Variants in CMSS1 observed in about 807,000 individuals in gnomAD.
CMSS1 encodes protein CMSS1.
CMSS1 carries 33 observed loss-of-function variants against 43.5 expected under a neutral mutation model. The observed-to-expected ratio is 0.76, with a 90% confidence interval of 0.57 to 1.01. The LOEUF is 1.01. Among genes scored for constraint, CMSS1 ranks in the 50% least tolerant of loss-of-function variants. The pLI is 0.00. For synonymous variants in CMSS1, 115 were observed against 117.2 expected (o/e 0.98, Z 0.12); for missense variants, 313 against 326.4 (o/e 0.96, Z 0.32).
intron 1 of CMSS1, among the ~76,000 whole-genome samples, chr3:100,091,040 C>T (rs2066095684): frequency 6.6e-6 from 1 of 152,168 alleles, no homozygotes; most frequent in Non-Finnish European, 1.5e-5. Context: ...AATCCCAGAA[C>T]TTTGGGAGGC....
In CMSS1 at chr3:99,826,368, G is replaced by C. The variant is rs116393226; in HGVS notation, c.64+8325G>C. Reference sequence around the variant, plus strand: ...ATCCAGATAATAAATATTTTAGGTTGTGTGGGTCCAGTCATCACCGTCATA... The same window carrying C: ...ATCCAGATAATAAATATTTTAGGTTCTGTGGGTCCAGTCATCACCGTCATA... On this transcript the variant is annotated intron_variant, in intron 1 of 9. Transcript: ENST00000421999. Among the ~76,000 whole-genome samples the C allele has an allele frequency of 3.4e-3, 519 of 152,286 alleles. 5 individuals carry two copies. The highest frequency in any genetic ancestry group is 0.014 in the Middle Eastern group (4 of 294).
rs1458077133 is a variant in CMSS1, at chr3:100,060,054, C to CG, written c.65-86913dup. Among the ~76,000 whole-genome samples the CG allele has an allele frequency of 1.6e-4, 20 of 125,598 alleles. 1 individual carries two copies. The highest frequency in any genetic ancestry group is 6.2e-4 in the African/African-American group (20 of 32,388). 82.4% of individuals were successfully genotyped at this position (125,598 alleles called of 152,430 possible). A position where few individuals can be genotyped will look rare whatever the true frequency, so the allele number is the denominator to read the frequency against. ...AGGAGGACGGTTGGGGAAATGGGGG[C>CG]GGGGGGAAGATGGGCTCCAGGTACA... On this transcript the variant is annotated intron_variant, in intron 1 of 9. Transcript: ENST00000421999.
At chr3:99,819,781 G>T (rs1300331210) in intron 1 of CMSS1, among the ~76,000 whole-genome samples, 2 of 146,130 alleles carry the variant, frequency 1.4e-5, no homozygotes, top group Non-Finnish European at 3.0e-5. Context: ...TTGACACGGA[G>T]TCTCCCTCTG....
chr3:99,989,915 T>C lies in CMSS1; in HGVS notation c.65-157058T>C, dbSNP rs192289275. On this transcript the variant is annotated intron_variant, in intron 1 of 9. Transcript: ENST00000421999. ...TTTTAAAACTGGAGTAGTTATTTCC[T>C]TAGTTCCAAGACACCTGGTACGTGC... Among the ~76,000 whole-genome samples the C allele has an allele frequency of 1.8e-3, 277 of 152,208 alleles. 1 individual carries two copies. Among genetic ancestry groups the C allele is most frequent in the African/African-American group, 6.3e-3 (262 of 41,546 alleles).
At chr3:99,980,305 G>GT (rs1267034949) in intron 1 of CMSS1, among the ~76,000 whole-genome samples, 4 of 152,252 alleles carry the variant, frequency 2.6e-5, no homozygotes, top group East Asian at 3.9e-4. Flanking sequence ...TAACCTCTCT[G>GT]TATCTCAGTT....
At chr3:100,076,122 A>T (rs968708223) in intron 1 of CMSS1, among the ~76,000 whole-genome samples, 1 of 152,228 alleles carries the variant, frequency 6.6e-6, no homozygotes, top group Admixed American at 6.5e-5. Context: ...TGTATAATTA[A>T]GAAATATATT....
At chr3:99,866,901 C>T (rs1443093129) in intron 1 of CMSS1, among the ~76,000 whole-genome samples, 1 of 152,196 alleles carries the variant, frequency 6.6e-6, no homozygotes, top group Non-Finnish European at 1.5e-5. Context: ...TGTCCTCTTG[C>T]ATGCTTTGTA....
intron 1 of CMSS1, among the ~76,000 whole-genome samples, chr3:100,055,314 C>T (rs1374642931): frequency 6.6e-6 from 1 of 152,168 alleles, no homozygotes; most frequent in Non-Finnish European, 1.5e-5. Context: ...CCTCTTAGTT[C>T]TGTTATCCCC....
chr3:100,173,660 T>C lies in CMSS1; in HGVS notation c.667+1257T>C, dbSNP rs149426038. ...CAGGGTCTTTAACTGATCTTTGAAG[T>C]GTGGGGAGGATTGAAATAGGCCGGG... is the stretch of plus-strand genomic sequence containing the variant. On this transcript the variant is annotated intron_variant, in intron 8 of 9. Coordinates refer to ENST00000421999, the MANE Select transcript of CMSS1 (RefSeq NM_032359.4). Among the ~76,000 whole-genome samples, 170 of 152,234 alleles carry C rather than the reference T, an allele frequency of 1.1e-3. 5 individuals carry two copies. The East Asian group carries it at 0.026, about 23-fold the overall frequency.
At chr3:100,025,677 G>A (rs1460612958) in intron 1 of CMSS1, 1 of 152,088 alleles carries the variant, frequency 6.6e-6, no homozygotes, top group African/African-American at 2.4e-5. Flanking sequence ...AACATACCAG[G>A]TCGTCCACAG....
chr3:100,167,839 A>T lies in CMSS1; in HGVS notation c.517A>T (p.Arg173Trp). The T allele has an allele frequency of 6.3e-7, 1 of 1,599,910 alleles. No individual in the cohort carries two copies. Among genetic ancestry groups the T allele is most frequent in the Admixed American group, 1.7e-5 (1 of 58,306 alleles). Residue 173 changes from arginine (R) to tryptophan (W), a missense_variant and splice_region_variant, in exon 6 of 10, where the codon AGG becomes TGG. Physicochemically the swap from Arg to Trp is moderately radical, Grantham distance 101. Transcript: ENST00000421999. ...SSAVRALELI[R>W]SMTAFRGDGK... ...GGCCGTCCGAGCCCTGGAGCTCATT[A>T]GGTTGGAAGGTTCACCTATTCCATA...
chr3:99,947,265 G>C (rs1194454009), intron 1 of CMSS1, among the ~76,000 whole-genome samples: 7 of 151,474 alleles, frequency 4.6e-5, no homozygotes, highest in African/African-American at 7.3e-5. Flanking sequence ...CTTTTGTATA[G>C]TTTCCCATAG....
At chr3:100,168,050 A>C (rs920761380) in intron 6 of CMSS1, among the ~76,000 whole-genome samples, 1 of 152,262 alleles carries the variant, frequency 6.6e-6, no homozygotes, top group Non-Finnish European at 1.5e-5. Context: ...TAAGGAAAAA[A>C]TAAAGCATGG....
chr3:99,903,760 G>T (rs143477058), intron 1 of CMSS1, among the ~76,000 whole-genome samples: 3 of 152,040 alleles, frequency 2.0e-5, no homozygotes, highest in Non-Finnish European at 1.5e-5. Flanking sequence ...GATCAGTGAC[G>T]TGGCCCCCAA....
At chr3:99,970,489 C>T (rs986925515) in intron 1 of CMSS1, among the ~76,000 whole-genome samples, 8 of 152,222 alleles carry the variant, frequency 5.3e-5, no homozygotes, top group South Asian at 2.1e-4. Context: ...TATTTGTGTT[C>T]GCTTTCACTC....
At chr3:99,850,654 T>A in intron 1 of CMSS1, 1 of 1,614,148 alleles carries the variant, frequency 6.2e-7, no homozygotes, top group Non-Finnish European at 8.5e-7. Flanking sequence ...TAAAGACCTG[T>A]TTGTCTCTTC....
Position 99,910,706 on chromosome 3 carries a change from A to G in CMSS1, c.64+92663A>G, listed in dbSNP as rs1247678120. On this transcript the variant is annotated intron_variant, in intron 1 of 9. Coordinates refer to ENST00000421999, the MANE Select transcript of CMSS1 (RefSeq NM_032359.4). ...TTTATATTTTCCCTTTGGCCTATAG[A>G]TCTCAAATTCTTTGCCCAAATAGTT... is the stretch of plus-strand genomic sequence containing the variant. Among the ~76,000 whole-genome samples the G allele has an allele frequency of 3.5e-5, 3 of 86,954 alleles. 1 individual carries two copies. The highest frequency in any genetic ancestry group is 9.2e-5 in the African/African-American group (3 of 32,442). 57.0% of individuals were successfully genotyped at this position (86,954 alleles called of 152,430 possible).
At chr3:100,069,031 A>G (rs747208037) in intron 1 of CMSS1, among the ~76,000 whole-genome samples, 2 of 152,164 alleles carry the variant, frequency 1.3e-5, no homozygotes, top group Non-Finnish European at 2.9e-5. Context: ...GCAAGTACCC[A>G]CGTGATTTGG....
chr3:99,995,833 C>T (rs1168863194), intron 1 of CMSS1, among the ~76,000 whole-genome samples: 1 of 152,180 alleles, frequency 6.6e-6, no homozygotes, highest in East Asian at 1.9e-4. Context: ...AGCTGGGACA[C>T]AGGGCACCAA....
Sources: gnomAD v4.1 joint callset for allele counts (sites outside exome capture counted in the v4.1 genomes callset) on GRCh38, gnomAD v4.1.1 for gene constraint, MANE v1.5 for transcripts, NCBI Gene and HGNC (gene_info 2026-07-23, HGNC 2026-07-21) for gene names.